Variants in SEMA3E observed in about 807,000 individuals in gnomAD.
The protein encoded by SEMA3E is semaphorin-3E.
SEMA3E carries 49 observed loss-of-function variants against 93.6 expected under a neutral mutation model. The observed-to-expected ratio is 0.52, with a 90% CI of 0.42 to 0.66. The LOEUF is 0.66. Ranked by LOEUF, SEMA3E falls within the 30% of genes least tolerant of loss-of-function variation. SEMA3E has a pLI of 0.00. For synonymous variants in SEMA3E, 363 were observed against 330.7 expected (o/e 1.10, Z -1.06); for missense variants, 906 against 964.8 (o/e 0.94, Z 0.81).
intron 2 of SEMA3E, among the ~76,000 whole-genome samples, chr7:83,480,710 T>G (rs1790127110): frequency 6.6e-6 from 1 of 152,158 alleles, no homozygotes; most frequent in African/African-American, 2.4e-5. Context: ...TGAATCTATT[T>G]AAGTCTTCTT....
chr7:83,397,296 T>G (rs567240996), intron 11 of SEMA3E, among the ~76,000 whole-genome samples: 1 of 152,178 alleles, frequency 6.6e-6, no homozygotes, highest in East Asian at 1.9e-4. Flanking sequence ...GATTCAAAAA[T>G]CAAAATGTCT....
intron 4 of SEMA3E, among the ~76,000 whole-genome samples, chr7:83,442,656 G>C (rs767340428): frequency 6.6e-6 from 1 of 151,848 alleles, no homozygotes; most frequent in Admixed American, 6.6e-5. Context: ...TTTGTTTGTG[G>C]GTTTTGTTTT....
chr7:83,442,474 T>C (rs928127069), intron 4 of SEMA3E, among the ~76,000 whole-genome samples: 6 of 152,196 alleles, frequency 3.9e-5, no homozygotes, highest in African/African-American at 1.4e-4. Context: ...CTCTCACATA[T>C]TTAGCCAATG....
intron 15 of SEMA3E, 74 bp from the exon 16 acceptor site, chr7:83,385,507 G>C (rs1787861006): frequency 7.4e-7 from 1 of 1,350,562 alleles, no homozygotes; most frequent in Non-Finnish European, 1.1e-6. Context: ...ACATTATTTA[G>C]ATCCCTGCAG....
intron 4 of SEMA3E, among the ~76,000 whole-genome samples, chr7:83,437,942 T>C (rs536701818): frequency 4.6e-5 from 7 of 152,154 alleles, no homozygotes; most frequent in Non-Finnish European, 1.0e-4. Flanking sequence ...CTGCAACAGA[T>C]TGAAATAAGC....
rs899846877 is a variant in SEMA3E, at chr7:83,400,044, G to A, written c.1350C>T (p.Val450=). ...TCTCTTTACCTGTCCCAATAAACAA[G>A]ACGTCATATTGGCCATCCTCAGCTT... The part of the protein sequence containing the change: ...RVEAEDGQYD[V]LFIGTDNGIV... Residue 450 remains valine (V), a synonymous_variant, in exon 11 of 17, where the codon GTC becomes GTT. Coordinates refer to ENST00000643230, the MANE Select transcript of SEMA3E (RefSeq NM_012431.3). The A allele has an allele frequency of 1.2e-6, 2 of 1,611,554 alleles. No individual in the cohort carries two copies. The highest frequency in any genetic ancestry group is 1.7e-6 in the Non-Finnish European group (2 of 1,177,668).
intron 2 of SEMA3E, among the ~76,000 whole-genome samples, chr7:83,479,659 A>G (rs1447559983): frequency 6.6e-6 from 1 of 152,180 alleles, no homozygotes; most frequent in African/African-American, 2.4e-5. Context: ...AGAGAAAGAT[A>G]CTATGGATAT....
At chr7:83,599,685 A>G (rs377236685) in intron 1 of SEMA3E, among the ~76,000 whole-genome samples, 32 of 152,332 alleles carry the variant, frequency 2.1e-4, no homozygotes, top group African/African-American at 7.5e-4. Flanking sequence ...ATTAAAAATC[A>G]TTAGAACTAC....
intron 1 of SEMA3E, among the ~76,000 whole-genome samples, chr7:83,626,512 T>C (rs999587611): frequency 1.3e-5 from 2 of 152,174 alleles, no homozygotes; most frequent in East Asian, 3.9e-4. Context: ...TTATAGTATT[T>C]TCTGATGATA....
intron 16 of SEMA3E, among the ~76,000 whole-genome samples, chr7:83,376,404 A>C (rs1358671927): frequency 6.6e-6 from 1 of 151,948 alleles, no homozygotes; most frequent in Non-Finnish European, 1.5e-5. Flanking sequence ...TAATTTGTGC[A>C]CTCCATTTTT....
intron 1 of SEMA3E, among the ~76,000 whole-genome samples, chr7:83,620,580 T>C (rs957710679): frequency 6.6e-6 from 1 of 152,124 alleles, no homozygotes; most frequent in Non-Finnish European, 1.5e-5. Flanking sequence ...CTGATGAATA[T>C]GGATACAAAA....
chr7:83,398,054 C>T (rs1487743454), intron 11 of SEMA3E, among the ~76,000 whole-genome samples: 1 of 152,042 alleles, frequency 6.6e-6, no homozygotes, highest in African/African-American at 2.4e-5. Flanking sequence ...AAATATTGGA[C>T]AAAATATTAT....
chr7:83,530,998 C>T (rs1286644626), intron 1 of SEMA3E, among the ~76,000 whole-genome samples: 5 of 152,134 alleles, frequency 3.3e-5, no homozygotes, highest in East Asian at 1.9e-4. Flanking sequence ...AAAACACATA[C>T]GTACATTTTC....
At chr7:83,382,403 C>T (rs1787794052) in intron 16 of SEMA3E, among the ~76,000 whole-genome samples, 1 of 151,912 alleles carries the variant, frequency 6.6e-6, no homozygotes, top group African/African-American at 2.4e-5. Flanking sequence ...CAGGTCTGTC[C>T]CTAACTTTGT....
intron 4 of SEMA3E, among the ~76,000 whole-genome samples, chr7:83,463,751 C>G (rs554630895): frequency 6.6e-6 from 1 of 151,764 alleles, no homozygotes; most frequent in Non-Finnish European, 1.5e-5. Context: ...TCCTTTCCAT[C>G]GTGGAAATCT....
At chr7:83,533,209 A>G (rs1403091539) in intron 1 of SEMA3E, among the ~76,000 whole-genome samples, 1 of 152,144 alleles carries the variant, frequency 6.6e-6, no homozygotes, top group Non-Finnish European at 1.5e-5. Flanking sequence ...CCCTTTTCTC[A>G]TCTTAATTTC....
intron 1 of SEMA3E, among the ~76,000 whole-genome samples, chr7:83,579,992 C>G (rs779550961): frequency 6.6e-6 from 1 of 151,968 alleles, no homozygotes; most frequent in African/African-American, 2.4e-5. Flanking sequence ...TCAGTTTAGT[C>G]AACGAAAGCA....
intron 1 of SEMA3E, among the ~76,000 whole-genome samples, chr7:83,510,498 ACTAATATAGTG>A (rs769122866): frequency 2.6e-5 from 4 of 152,182 alleles, no homozygotes; most frequent in Non-Finnish European, 4.4e-5. Flanking sequence ...GTAGATATAT[ACTAATATAGTG>A]TACTTGCGTG....
intron 1 of SEMA3E, among the ~76,000 whole-genome samples, chr7:83,516,847 C>A (rs193211379): frequency 5.4e-4 from 82 of 151,546 alleles, no homozygotes; most frequent in South Asian, 1.0e-3. Flanking sequence ...TTTACCAGTA[C>A]CTTCCAGGGA....
Sources: allele counts gnomAD v4.1 joint callset (sites outside exome capture counted in the v4.1 genomes callset), GRCh38; gene constraint gnomAD v4.1.1; transcripts MANE v1.5; gene names NCBI Gene and HGNC (gene_info 2026-07-23, HGNC 2026-07-21).